PHKB: variants seen among roughly 807,000 people sequenced by gnomAD.
The protein encoded by PHKB is phosphorylase kinase regulatory subunit beta.
Under a neutral mutation model 152.1 loss-of-function variants are expected in PHKB, and 122 were observed. The ratio of observed to expected loss-of-function variants is 0.80; its 90% CI spans 0.69 to 0.93. The LOEUF (loss-of-function observed/expected upper bound fraction) is 0.93. Among genes scored for constraint, PHKB ranks in the 40% least tolerant of loss-of-function variants. The pLI is 0.00. For synonymous variants in PHKB, 436 were observed against 464.9 expected (o/e 0.94, Z 0.80); for missense variants, 1,304 against 1,328.4 (o/e 0.98, Z 0.29).
In PHKB at chr16:47,698,856, C is replaced by T. The variant is rs575535558; in HGVS notation, c.3144+268C>T. On this transcript the variant is annotated intron_variant, in intron 30 of 30. Coordinates refer to ENST00000323584, the MANE Select transcript of PHKB (RefSeq NM_000293.3). Reference sequence around the variant, plus strand: ...TATGGTTAGCATAAAAATGTTTTATCAGAGAGGAGGCATAGACTCCAGAAG... The same window carrying T: ...TATGGTTAGCATAAAAATGTTTTATTAGAGAGGAGGCATAGACTCCAGAAG... 7.0e-4 allele frequency among the ~76,000 whole-genome samples: 107 copies of T among 152,036 alleles called. 1 individual carries two copies. Among genetic ancestry groups the T allele is most frequent in the African/African-American group, 2.4e-3 (100 of 41,486 alleles).
intron 13 of PHKB, chr16:47,597,910 T>C (rs575141023): frequency 1.3e-5 from 2 of 151,968 alleles, no homozygotes; most frequent in East Asian, 3.9e-4. Context: ...TCCAGTAACC[T>C]CTGTGCAATG....
Position 47,546,343 on chromosome 16 carries a change from C to T in PHKB, c.595-1090C>T, listed in dbSNP as rs188191883. Among the ~76,000 whole-genome samples the T allele has an allele frequency of 5.3e-5, 8 of 152,230 alleles. No homozygotes were observed. In the South Asian group the frequency reaches 1.0e-3, roughly 20 times the overall value. On this transcript the variant is annotated intron_variant, in intron 6 of 30. Coordinates refer to ENST00000323584, the MANE Select transcript of PHKB (RefSeq NM_000293.3). Reference sequence around the variant, plus strand: ...TTGTTAGTTTTCCTTCTAACAGGCCCCTCAGCTGCAGCTCTGTTGGGGTTT... The same window carrying T: ...TTGTTAGTTTTCCTTCTAACAGGCCTCTCAGCTGCAGCTCTGTTGGGGTTT...
chr16:47,520,018 A>T (rs1970659567), intron 6 of PHKB, among the ~76,000 whole-genome samples: 1 of 152,052 alleles, frequency 6.6e-6, no homozygotes, highest in South Asian at 2.1e-4. Context: ...GTTGTATGGA[A>T]GCTTTGTGTC....
intron 14 of PHKB, among the ~76,000 whole-genome samples, chr16:47,615,623 G>A (rs1357132211): frequency 6.6e-6 from 1 of 152,222 alleles, no homozygotes; most frequent in East Asian, 1.9e-4. Context: ...TAGCATATGT[G>A]TAGTCTCAAG....
intron 26 of PHKB, among the ~76,000 whole-genome samples, chr16:47,681,335 C>T (rs1199815563): frequency 6.7e-6 from 1 of 148,446 alleles, no homozygotes; most frequent in African/African-American, 2.4e-5. Flanking sequence ...TGTTAACTTT[C>T]TGTCTCGTTG....
intron 18 of PHKB, 125 bp from the exon 19 acceptor site, chr16:47,650,419 T>G: frequency 1.4e-6 from 1 of 705,964 alleles, no homozygotes. Flanking sequence ...GTCTAAGTTA[T>G]TCAGGGTTGG....
intron 14 of PHKB, among the ~76,000 whole-genome samples, chr16:47,616,138 T>C (rs2151711955): frequency 6.6e-6 from 1 of 152,304 alleles, no homozygotes; most frequent in African/African-American, 2.4e-5. Context: ...CAGTTTCTTC[T>C]TGGTGTCATT....
At chr16:47,470,872 G>A (rs1431593366) in intron 1 of PHKB, among the ~76,000 whole-genome samples, 1 of 152,144 alleles carries the variant, frequency 6.6e-6, no homozygotes, top group East Asian at 1.9e-4. Context: ...AGAGCTAATA[G>A]CCTGATGGAA....
chr16:47,537,872 TTCTCTCTCTCTC>T (rs34841624), intron 6 of PHKB, among the ~76,000 whole-genome samples: 10 of 143,498 alleles, frequency 7.0e-5, no homozygotes, highest in Admixed American at 5.6e-4. Context: ...ACGTGGAAAA[TTCTCTCTCTCTC>T]TCTCTCTCTC....
rs529518512 is a variant in PHKB at position 47,470,679 on chromosome 16, T to TC, written c.76+9253_76+9254insC. Among the ~76,000 whole-genome samples, 640 of 152,330 alleles carry TC rather than the reference T, an allele frequency of 4.2e-3. 6 individuals carry two copies. Among genetic ancestry groups the TC allele is most frequent in the African/African-American group, 0.015 (610 of 41,568 alleles). On this transcript the variant is annotated intron_variant, in intron 1 of 30. Transcript: ENST00000323584. Reference sequence around the variant, plus strand: ...TCACCCAAACTCTGGCAGACCCTATTACCCAGCCACTGCTGCCTTCCTTCT... The same window carrying TC: ...TCACCCAAACTCTGGCAGACCCTATTCACCCAGCCACTGCTGCCTTCCTTCT...
chr16:47,576,348 A>G (rs752959943), intron 7 of PHKB, among the ~76,000 whole-genome samples: 1 of 152,178 alleles, frequency 6.6e-6, no homozygotes, highest in Non-Finnish European at 1.5e-5. Flanking sequence ...TAACATGGTA[A>G]TTATATTAAT....
At position 47,648,586 on chromosome 16, in the gene PHKB, C is replaced by G. The variant is rs1973177014; in HGVS notation, c.1662C>G (p.Asp554Glu). Residue 554 changes from aspartate to glutamate, a missense_variant, in exon 17 of 31, where the codon GAC becomes GAG. Transcript: ENST00000323584. ...AGTTAGGACTCTCTGGAAGGCCAGACAGGCCCATTGGCTGCCTCGGGACAT... is the reference window on the plus strand; with the variant it reads ...AGTTAGGACTCTCTGGAAGGCCAGAGAGGCCCATTGGCTGCCTCGGGACAT... ...NEKLGLSGRP[D>E]RPIGCLGTSK... is the part of the protein sequence containing the mutation. 1.2e-6 allele frequency: 2 copies of G among 1,613,090 alleles called. No homozygotes were observed. The highest frequency in any genetic ancestry group is 1.3e-5 in the African/African-American group (1 of 74,922).
At position 47,699,978 on chromosome 16, in the gene PHKB, TA is replaced by T. The variant is rs1974219811; in HGVS notation, c.*614del. ...TAAATATAGGGGTTGGACTAAAATA[TA>T]ATAAATCTGTACCTTATCAAACATT... On this transcript the variant is annotated 3_prime_UTR_variant, in exon 31 of 31. Transcript: ENST00000323584. 1 of 157,884 alleles carries T rather than the reference TA, an allele frequency of 6.3e-6. No individual in the cohort carries two copies. Among genetic ancestry groups the T allele is most frequent in the Non-Finnish European group, 1.4e-5 (1 of 71,326 alleles). 9.8% of individuals were successfully genotyped at this position (157,884 alleles called of 1,614,324 possible). A position where few individuals can be genotyped will look rare whatever the true frequency, so the allele number is the denominator to read the frequency against.
chr16:47,594,551 G>T (rs1972085648), intron 12 of PHKB, among the ~76,000 whole-genome samples: 1 of 152,160 alleles, frequency 6.6e-6, no homozygotes, highest in Non-Finnish European at 1.5e-5. Flanking sequence ...CCTGCGGAGG[G>T]CTACCTGGAG....
chr16:47,552,612 C>T (rs1211213769), intron 7 of PHKB, among the ~76,000 whole-genome samples: 3 of 152,048 alleles, frequency 2.0e-5, no homozygotes, highest in Admixed American at 2.0e-4. Context: ...AGTTCGAGAC[C>T]AGCCTGGCCA....
At chr16:47,629,045 T>C (rs943475902) in intron 14 of PHKB, among the ~76,000 whole-genome samples, 2 of 152,168 alleles carry the variant, frequency 1.3e-5, no homozygotes, top group African/African-American at 4.8e-5. Context: ...AAGACTTAAA[T>C]GTTAGACCTA....
At position 47,629,956 on chromosome 16, in the gene PHKB, T is replaced by C. The variant is rs1213319140; in HGVS notation, c.1459-11079T>C. On this transcript the variant is annotated intron_variant, in intron 14 of 30. Coordinates refer to ENST00000323584, the MANE Select transcript of PHKB (RefSeq NM_000293.3). Reference sequence around the variant, plus strand: ...ACCAAACACCGCATATTCTCACTCATAGATGGGAACTGAACAATGAGAACA... The same window carrying C: ...ACCAAACACCGCATATTCTCACTCACAGATGGGAACTGAACAATGAGAACA... 2.7e-5 allele frequency among the ~76,000 whole-genome samples: 4 copies of C among 145,586 alleles called. No individual in the cohort carries two copies. In the Admixed American group the frequency reaches 2.9e-4, roughly 10 times the overall value.
intron 26 of PHKB, among the ~76,000 whole-genome samples, chr16:47,678,987 A>G (rs1973792378): frequency 6.6e-6 from 1 of 152,188 alleles, no homozygotes; most frequent in African/African-American, 2.4e-5. Flanking sequence ...CTTTCTACAT[A>G]TGGCTAGCCA....
At chr16:47,584,599 C>T (rs1465358303) in intron 8 of PHKB, among the ~76,000 whole-genome samples, 1 of 152,172 alleles carries the variant, frequency 6.6e-6, no homozygotes, top group Non-Finnish European at 1.5e-5. Flanking sequence ...GCCACCACAG[C>T]CTTGGTGCAG....
Sources: gnomAD v4.1 joint callset for allele counts (sites outside exome capture counted in the v4.1 genomes callset) on GRCh38, gnomAD v4.1.1 for gene constraint, MANE v1.5 for transcripts, NCBI Gene and HGNC (gene_info 2026-07-23, HGNC 2026-07-21) for gene names.